The following TOP1 variants were observed in gnomAD, a reference collection of about 807,000 sequenced individuals.
TOP1 encodes DNA topoisomerase 1.
A neutral mutation model predicts 111.1 loss-of-function variants in TOP1; 10 were observed. The observed-to-expected ratio is 0.09, with a 90% CI of 0.06 to 0.15. The LOEUF (loss-of-function observed/expected upper bound fraction) is 0.15, where lower values mean the gene tolerates loss of function less well. TOP1 is among the 10% of genes least tolerant of loss of function. TOP1 has a pLI of 1.00. For synonymous variants in TOP1, 271 were observed against 302.9 expected, an observed-to-expected ratio of 0.89 and a Z score of 1.10; for missense variants, 474 against 926.7, an observed-to-expected ratio of 0.51 and a Z score of 6.34.
In TOP1 at chr20:41,121,798, C is replaced by T. The variant is rs1350100642; in HGVS notation, c.2045+8C>T. ...GGATGCAAAGACGAAGAAGTATGTACCTGGTATTGTGAAAGTTGGGGCTGG... is the reference window on the plus strand; with the variant it reads ...GGATGCAAAGACGAAGAAGTATGTATCTGGTATTGTGAAAGTTGGGGCTGG... On this transcript the variant is annotated splice_region_variant and intron_variant, in intron 19 of 20. Coordinates refer to ENST00000361337, the MANE Select transcript of TOP1 (RefSeq NM_003286.4). The surrounding 1 kb of genome is among the most constrained non-coding windows in gnomAD (Gnocchi z 4.2). The T allele has an allele frequency of 1.2e-6, 2 of 1,612,966 alleles. No individual in the cohort carries two copies. Among genetic ancestry groups the T allele is most frequent in the Non-Finnish European group, 1.7e-6 (2 of 1,178,944 alleles).
At chr20:41,035,545 A>C (rs1399841457) in intron 2 of TOP1, among the ~76,000 whole-genome samples, 1 of 152,202 alleles carries the variant, frequency 6.6e-6, no homozygotes, top group African/African-American at 2.4e-5. Flanking sequence ...ATGTTGGGAA[A>C]AGAATTTAAC....
intron 2 of TOP1, among the ~76,000 whole-genome samples, chr20:41,059,827 A>G (rs559049625): frequency 6.6e-6 from 1 of 152,344 alleles, no homozygotes; most frequent in Non-Finnish European, 1.5e-5. Context: ...GAATGTATAA[A>G]GAGCTCTTAC....
chr20:41,073,880 C>A (rs2033695632), intron 3 of TOP1, among the ~76,000 whole-genome samples: 1 of 152,192 alleles, frequency 6.6e-6, no homozygotes, highest in African/African-American at 2.4e-5. Flanking sequence ...GCAGTATATT[C>A]ATCCATCAAT....
intron 2 of TOP1, among the ~76,000 whole-genome samples, chr20:41,057,157 T>C (rs909915770): frequency 6.6e-6 from 1 of 151,948 alleles, no homozygotes; most frequent in Non-Finnish European, 1.5e-5. Flanking sequence ...TCTCAGCTAC[T>C]CGGGAGGCTG....
intron 13 of TOP1, among the ~76,000 whole-genome samples, chr20:41,108,177 C>T (rs1011241635): frequency 6.6e-6 from 1 of 152,214 alleles, no homozygotes; most frequent in Non-Finnish European, 1.5e-5. Flanking sequence ...TTGTTCTACA[C>T]ATTTCTGCTC....
In TOP1 at chr20:41,121,203, C is replaced by T. The variant is rs2034417860; in HGVS notation, c.1951-493C>T. 1.3e-5 allele frequency among the ~76,000 whole-genome samples: 2 copies of T among 152,280 alleles called. No homozygotes were observed. The highest frequency in any genetic ancestry group is 6.5e-5 in the Admixed American group (1 of 15,306). ...GCATCCATTTTCCTTGAGAAGCTGG[C>T]ACCGCCTTCCCAGAGTACTGGTGGG... On this transcript the variant is annotated intron_variant, in intron 18 of 20. Transcript: ENST00000361337. The surrounding 1 kb of genome is among the most constrained non-coding windows in gnomAD (Gnocchi z 4.2).
In TOP1 at chr20:41,080,204, A is replaced by T; in HGVS notation, c.431+24A>T. ...GAGTGAGTATTTTCTTAAAACTTTGACTTTTGAAAACAAAAAGGAGGAGTT... is the reference window on the plus strand; with the variant it reads ...GAGTGAGTATTTTCTTAAAACTTTGTCTTTTGAAAACAAAAAGGAGGAGTT... On this transcript the variant is annotated intron_variant, in intron 6 of 20. Transcript: ENST00000361337. This position sits in a 1 kb window ranked among gnomAD's most constrained non-coding sequence, Gnocchi z 5.0. 1.4e-6 allele frequency: 2 copies of T among 1,402,628 alleles called. No individual in the cohort carries two copies. Among genetic ancestry groups the T allele is most frequent in the African/African-American group, 1.4e-5 (1 of 69,682 alleles). The allele number at this position is 1,402,628 out of a possible 1,614,324, so 86.9% of individuals were successfully genotyped here.
chr20:41,048,943 G>T (rs1452089389), intron 2 of TOP1, among the ~76,000 whole-genome samples: 1 of 152,204 alleles, frequency 6.6e-6, no homozygotes, highest in African/African-American at 2.4e-5. Flanking sequence ...ACAGATTAAG[G>T]TAAGGAGAGA....
chr20:41,093,417 G>A (rs188639355), intron 9 of TOP1, among the ~76,000 whole-genome samples: 25 of 151,664 alleles, frequency 1.6e-4, no homozygotes, highest in African/African-American at 4.6e-4. Context: ...TTTCCCCACC[G>A]TCCCTCTTCT....
chr20:41,120,401 A>G (rs1437666345), intron 18 of TOP1, among the ~76,000 whole-genome samples: 1 of 152,220 alleles, frequency 6.6e-6, no homozygotes, highest in African/African-American at 2.4e-5. Context: ...TGAGCAGCCC[A>G]GTGTGTGTCA....
rs548009717 is a variant in TOP1 at position 41,048,734 on chromosome 20, G to A, written c.59-12660G>A. 3.1e-4 allele frequency among the ~76,000 whole-genome samples: 47 copies of A among 152,320 alleles called. No homozygotes were observed. The South Asian group carries it at 6.0e-3, about 19-fold the overall frequency. On this transcript the variant is annotated intron_variant, in intron 2 of 20. Coordinates refer to ENST00000361337, the MANE Select transcript of TOP1 (RefSeq NM_003286.4). ...ATCAGAAGACCTTCTTGTAGATCAA[G>A]TAACATACTTCTCTGAAAGACAGTT...
chr20:41,050,126 C>T (rs1268443896), intron 2 of TOP1, among the ~76,000 whole-genome samples: 1 of 152,222 alleles, frequency 6.6e-6, no homozygotes, highest in Non-Finnish European at 1.5e-5. Context: ...AAGTGATTCT[C>T]CTGCCTCAGC....
chr20:41,114,672 C>G lies in TOP1; in HGVS notation c.1638+517C>G, dbSNP rs2034300436. Among the ~76,000 whole-genome samples the G allele has an allele frequency of 6.6e-6, 1 of 152,178 alleles. No homozygotes were observed. Among genetic ancestry groups the G allele is most frequent in the Non-Finnish European group, 1.5e-5 (1 of 68,030 alleles). On this transcript the variant is annotated intron_variant, in intron 15 of 20. Transcript: ENST00000361337. This position sits in a 1 kb window ranked among gnomAD's most constrained non-coding sequence, Gnocchi z 4.5. ...ACATTTGTCACTTTTCATCTTTGCT[C>G]AGCCTTTCTCCAACTCCTGACTGAG...
intron 3 of TOP1, among the ~76,000 whole-genome samples, chr20:41,062,085 T>G (rs1029447599): frequency 5.9e-5 from 9 of 152,232 alleles, no homozygotes; most frequent in Non-Finnish European, 1.2e-4. Context: ...AGAAGATGTT[T>G]CTTTTGTTCA....
intron 13 of TOP1, among the ~76,000 whole-genome samples, chr20:41,103,700 A>G (rs1490125486): frequency 6.6e-6 from 1 of 152,168 alleles, no homozygotes; most frequent in Non-Finnish European, 1.5e-5. Context: ...GCCTCACTAT[A>G]TAGCTTCCTC....
intron 3 of TOP1, among the ~76,000 whole-genome samples, chr20:41,068,736 T>C (rs958377463): frequency 2.6e-5 from 4 of 152,210 alleles, no homozygotes; most frequent in African/African-American, 7.2e-5. Flanking sequence ...AGGAATACTC[T>C]TCTAGATGCC....
intron 2 of TOP1, among the ~76,000 whole-genome samples, chr20:41,048,948 G>A: frequency 6.6e-6 from 1 of 152,152 alleles, no homozygotes; most frequent in East Asian, 1.9e-4. Flanking sequence ...TTAAGGTAAG[G>A]AGAGAAGGTT....
chr20:41,073,153 A>C, intron 3 of TOP1: 1 of 985,384 alleles, frequency 1.0e-6, no homozygotes, highest in African/African-American at 1.7e-5. Context: ...ATGTACAGCA[A>C]AGCTGAAAAC....
rs2033546525 is a variant in TOP1, at chr20:41,061,636, A to C, written c.155+146A>C. The stretch of plus-strand genomic sequence containing the variant: ...ATTTGATCCTAGAGTTGCTATGAGG[A>C]TGGCCATGATTTAGGCCTTAAATGG... On this transcript the variant is annotated intron_variant, in intron 3 of 20. Transcript: ENST00000361337. This position sits in a 1 kb window ranked among gnomAD's most constrained non-coding sequence, Gnocchi z 4.6. 4.3e-6 allele frequency: 3 copies of C among 693,856 alleles called. No homozygotes were observed. The South Asian group carries it at 6.3e-5, about 14-fold the overall frequency. 43.0% of individuals were successfully genotyped at this position (693,856 alleles called of 1,614,324 possible).
Sources: gnomAD v4.1 joint callset for allele counts (sites outside exome capture counted in the v4.1 genomes callset) on GRCh38, gnomAD v4.1.1 for gene constraint, Gnocchi (gnomAD v3.1) non-coding constraint, MANE v1.5 for transcripts, NCBI Gene and HGNC (gene_info 2026-07-23, HGNC 2026-07-21) for gene names.